The following RBFOX3 variants were observed in gnomAD, a reference collection of about 807,000 sequenced individuals.
RBFOX3 encodes RNA binding protein fox-1 homolog 3.
A neutral mutation model predicts 48.7 loss-of-function variants in RBFOX3; 17 were observed. That is an observed-to-expected ratio of 0.35 (90% CI 0.24 to 0.52). The LOEUF (loss-of-function observed/expected upper bound fraction) is 0.52. Ranked by LOEUF, RBFOX3 falls within the 20% of genes least tolerant of loss-of-function variation. RBFOX3 has a pLI of 0.94. For synonymous variants in RBFOX3, 212 were observed against 209.5 expected (o/e 1.01, Z -0.10); for missense variants, 382 against 497.5 (o/e 0.77, Z 2.21).
chr17:79,608,947 C>A, intron 1 of RBFOX3, among the ~76,000 whole-genome samples: 2 of 151,572 alleles, frequency 1.3e-5, no homozygotes, highest in East Asian at 3.9e-4. Context: ...GCCGCCCCCA[C>A]GCCCCCACCC....
At chr17:79,277,830 G>A (rs1449976106) in intron 3 of RBFOX3, among the ~76,000 whole-genome samples, 3 of 152,248 alleles carry the variant, frequency 2.0e-5, no homozygotes, top group Admixed American at 2.0e-4. Flanking sequence ...CACAGAGCCT[G>A]GGCACATCCC....
chr17:79,573,194 C>A (rs1241472794), intron 1 of RBFOX3, among the ~76,000 whole-genome samples: 1 of 152,206 alleles, frequency 6.6e-6, no homozygotes, highest in Non-Finnish European at 1.5e-5. Flanking sequence ...AGAAGTCACC[C>A]TCTCCAGAGC....
chr17:79,144,279 G>A (rs1049205413), intron 4 of RBFOX3, among the ~76,000 whole-genome samples: 1 of 152,226 alleles, frequency 6.6e-6, no homozygotes, highest in South Asian at 2.1e-4. Context: ...GAATTGTCCC[G>A]CTCTACCCCC....
At chr17:79,515,480 G>A (rs1206392616) in intron 1 of RBFOX3, among the ~76,000 whole-genome samples, 2 of 151,758 alleles carry the variant, frequency 1.3e-5, no homozygotes, top group Non-Finnish European at 2.9e-5. Context: ...TCATCGACAG[G>A]GTTACAAGAG....
chr17:79,540,726 G>C lies in RBFOX3; in HGVS notation c.-319-58128C>G, dbSNP rs1219880672. Among the ~76,000 whole-genome samples the C allele has an allele frequency of 3.3e-5, 5 of 152,364 alleles. No homozygotes were observed. The South Asian group carries it at 1.0e-3, about 32-fold the overall frequency. Reference sequence around the variant, plus strand: ...TGTGGCCTCCGCCAGGTTGTGGGTTGCTCGACCTCCTGGAGCTTCAGTGCC... The same window carrying C: ...TGTGGCCTCCGCCAGGTTGTGGGTTCCTCGACCTCCTGGAGCTTCAGTGCC... On this transcript the variant is annotated intron_variant, in intron 1 of 14. Coordinates refer to ENST00000693108, the MANE Select transcript of RBFOX3 (RefSeq NM_001350451.2).
chr17:79,270,109 T>C (rs543134917), intron 3 of RBFOX3, among the ~76,000 whole-genome samples: 1 of 152,310 alleles, frequency 6.6e-6, no homozygotes, highest in Non-Finnish European at 1.5e-5. Context: ...GCCACCCTCC[T>C]GGTTCTCCTC....
At position 79,535,481 on chromosome 17, in the gene RBFOX3, A is replaced by T. The variant is rs963098583; in HGVS notation, c.-319-52883T>A. 1.3e-5 allele frequency among the ~76,000 whole-genome samples: 2 copies of T among 151,218 alleles called. No homozygotes were observed. Among genetic ancestry groups the T allele is most frequent in the Admixed American group, 6.6e-5 (1 of 15,166 alleles). On this transcript the variant is annotated intron_variant, in intron 1 of 14. Transcript: ENST00000693108. This position sits in a 1 kb window ranked among gnomAD's most constrained non-coding sequence, Gnocchi z 4.5. The stretch of plus-strand genomic sequence containing the variant: ...CGGCCTCCAATCTCCCGATTCCTTT[A>T]CTCTCCCCTGTTACCCAAGTGAGTC...
chr17:79,148,533 C>A (rs59947034), intron 4 of RBFOX3, among the ~76,000 whole-genome samples: 3 of 152,332 alleles, frequency 2.0e-5, no homozygotes, highest in African/African-American at 7.2e-5. Context: ...CTGCCTCTGT[C>A]CCCGGCCACT....
chr17:79,620,096 CAT>C, the RBFOX3 span, among the ~76,000 whole-genome samples: 62 of 135,206 alleles, frequency 4.6e-4, no homozygotes, highest in Middle Eastern at 3.8e-3. Context: ...CACATGCACA[CAT>C]GTGTGCATGC....
intron 2 of RBFOX3, among the ~76,000 whole-genome samples, chr17:79,382,322 T>TG (rs1279224010): frequency 2.0e-5 from 3 of 152,164 alleles, no homozygotes; most frequent in African/African-American, 4.8e-5. Flanking sequence ...CCTGCAGGGA[T>TG]GGGGGGCTCT....
intron 4 of RBFOX3, among the ~76,000 whole-genome samples, chr17:79,162,348 G>A (rs1197809045): frequency 3.9e-5 from 6 of 152,212 alleles, no homozygotes; most frequent in Admixed American, 1.3e-4. Context: ...ACCCTGCAAG[G>A]TGAGACGTCG....
chr17:79,614,660 C>T (rs1217183654), upstream of RBFOX3, among the ~76,000 whole-genome samples: 3 of 152,150 alleles, frequency 2.0e-5, no homozygotes, highest in South Asian at 2.1e-4. Flanking sequence ...GAGGAGATAC[C>T]GCATCCATGA....
chr17:79,546,371 G>T (rs770923659), intron 1 of RBFOX3, among the ~76,000 whole-genome samples: 1 of 152,164 alleles, frequency 6.6e-6, no homozygotes, highest in African/African-American at 2.4e-5. Flanking sequence ...TCAGATGAAC[G>T]TCATCACCAG....
At chr17:79,267,701 C>T (rs546556170) in intron 3 of RBFOX3, among the ~76,000 whole-genome samples, 1 of 152,256 alleles carries the variant, frequency 6.6e-6, no homozygotes, top group South Asian at 2.1e-4. Flanking sequence ...CCATGTCACT[C>T]TCTATGGAGG....
At chr17:79,306,836 G>T (rs972177407) in intron 3 of RBFOX3, among the ~76,000 whole-genome samples, 1 of 152,166 alleles carries the variant, frequency 6.6e-6, no homozygotes, top group Non-Finnish European at 1.5e-5. Flanking sequence ...CTGATCCTCA[G>T]ACCCGCCAGC....
intron 4 of RBFOX3, among the ~76,000 whole-genome samples, chr17:79,228,606 C>T (rs542206011): frequency 4.6e-5 from 7 of 152,280 alleles, no homozygotes; most frequent in South Asian, 2.1e-4. Context: ...CTTCAGGTTC[C>T]GTGATGCAGA....
chr17:79,608,875 G>A (rs1020938016), intron 1 of RBFOX3, among the ~76,000 whole-genome samples: 1 of 152,164 alleles, frequency 6.6e-6, no homozygotes, highest in East Asian at 1.9e-4. Flanking sequence ...GCCCGCAGGA[G>A]GCGGAGAAGG....
intron 1 of RBFOX3, among the ~76,000 whole-genome samples, chr17:79,597,603 A>T (rs1199264388): frequency 6.6e-6 from 1 of 152,208 alleles, no homozygotes; most frequent in African/African-American, 2.4e-5. Flanking sequence ...AAGAAGGGCC[A>T]GGGAAGGCCC....
chr17:79,149,970 GCT>G (rs2144735695), intron 4 of RBFOX3, among the ~76,000 whole-genome samples: 1 of 85,354 alleles, frequency 1.2e-5, no homozygotes, highest in Non-Finnish European at 2.6e-5. Context: ...GGGGATGGGG[GCT>G]GAGGGTGGGG....
Sources: allele counts gnomAD v4.1 joint callset (sites outside exome capture counted in the v4.1 genomes callset), GRCh38; gene constraint gnomAD v4.1.1; non-coding constraint Gnocchi (gnomAD v3.1); transcripts MANE v1.5; gene names NCBI Gene and HGNC (gene_info 2026-07-23, HGNC 2026-07-21).